The following TTC7B variants were observed in gnomAD, a reference collection of about 807,000 sequenced individuals.
The protein encoded by TTC7B is tetratricopeptide repeat domain 7B, also known as tetratricopeptide repeat protein 7B.
TTC7B carries 28 observed loss-of-function variants against 106.8 expected under a neutral mutation model. That is an observed-to-expected ratio of 0.26 (90% confidence interval 0.19 to 0.36). The LOEUF is 0.36. Among genes scored for constraint, TTC7B ranks in the 10% least tolerant of loss-of-function variants. TTC7B has a pLI of 1.00. For synonymous variants in TTC7B, 405 were observed against 430.6 expected, an observed-to-expected ratio of 0.94 and a Z score of 0.74; for missense variants, 862 against 1,076.4, an observed-to-expected ratio of 0.80 and a Z score of 2.79.
At chr14:90,672,681 C>T (rs1886678098) in intron 9 of TTC7B, among the ~76,000 whole-genome samples, 1 of 152,220 alleles carries the variant, frequency 6.6e-6, no homozygotes, top group African/African-American at 2.4e-5. Context: ...ATGCTTTGCA[C>T]TATTATGTAT....
At chr14:90,780,677 T>A (rs1481735853) in intron 3 of TTC7B, 61 bp downstream of exon 3, 2 of 1,552,544 alleles carry the variant, frequency 1.3e-6, no homozygotes, top group Non-Finnish European at 1.7e-6. Context: ...AATAGGCAGC[T>A]CCGAAGAGGC....
chr14:90,646,894 A>G, intron 14 of TTC7B, 57 bp downstream of exon 14: 1 of 1,445,242 alleles, frequency 6.9e-7, no homozygotes, highest in Non-Finnish European at 9.7e-7. Flanking sequence ...GAAGAGCTGA[A>G]GGAGTTGTAT....
chr14:90,686,552 T>C (rs74699083), intron 7 of TTC7B, among the ~76,000 whole-genome samples: 8,876 of 152,268 alleles, frequency 0.058, 295 homozygotes, highest in South Asian at 0.12. Context: ...TTAGTATTAA[T>C]AGATGACACA....
intron 19 of TTC7B, among the ~76,000 whole-genome samples, chr14:90,566,752 C>T (rs1244360912): frequency 6.6e-6 from 1 of 152,184 alleles, no homozygotes; most frequent in African/African-American, 2.4e-5. Context: ...GTCTAGAGCC[C>T]TGGAACCCTG....
chr14:90,572,392 T>G (rs1435334756), intron 19 of TTC7B, among the ~76,000 whole-genome samples: 1 of 152,220 alleles, frequency 6.6e-6, no homozygotes, highest in Non-Finnish European at 1.5e-5. Flanking sequence ...ACATATCCAC[T>G]GCACCTCACA....
chr14:90,627,619 G>A (rs758011871), intron 15 of TTC7B, among the ~76,000 whole-genome samples: 1 of 152,190 alleles, frequency 6.6e-6, no homozygotes, highest in Non-Finnish European at 1.5e-5. Flanking sequence ...GTTTGGCTGC[G>A]CCTCTTGGTG....
In TTC7B at chr14:90,713,863, A is replaced by G. The variant is rs193163043; in HGVS notation, c.698+16212T>C. ...ATGTAATAATAATGACAGCTCCACA[A>G]TAAAAAGGAATGACCTGCTGATACA... On this transcript the variant is annotated intron_variant, in intron 5 of 19. Transcript: ENST00000328459. Among the ~76,000 whole-genome samples, 41 of 152,358 alleles carry G rather than the reference A, an allele frequency of 2.7e-4. 1 individual carries two copies. Among genetic ancestry groups the G allele is most frequent in the African/African-American group, 9.4e-4 (39 of 41,594 alleles).
chr14:90,723,361 A>G (rs895992422), intron 5 of TTC7B, among the ~76,000 whole-genome samples: 5 of 152,128 alleles, frequency 3.3e-5, no homozygotes, highest in African/African-American at 1.2e-4. Flanking sequence ...ACCTAGTATC[A>G]CCTACCCTTT....
chr14:90,588,686 T>C lies in TTC7B; in HGVS notation c.2107+4800A>G, dbSNP rs183261745. Among the ~76,000 whole-genome samples the C allele has an allele frequency of 3.2e-3, 485 of 152,198 alleles. 4 individuals are homozygous for C. The highest frequency in any genetic ancestry group is 0.011 in the African/African-American group (447 of 41,544). Reference sequence around the variant, plus strand: ...CTATCCAGCCTGGGCTCCCACATTGTAAAAATGGAGAAAATAACCTTTCTC... The same window carrying C: ...CTATCCAGCCTGGGCTCCCACATTGCAAAAATGGAGAAAATAACCTTTCTC... On this transcript the variant is annotated intron_variant, in intron 18 of 19. Coordinates refer to ENST00000328459, the MANE Select transcript of TTC7B (RefSeq NM_001010854.2).
intron 15 of TTC7B, among the ~76,000 whole-genome samples, chr14:90,619,460 A>G (rs1893220779): frequency 6.6e-6 from 1 of 152,194 alleles, no homozygotes; most frequent in South Asian, 2.1e-4. Context: ...AATTCTTCCC[A>G]AACCCAGCCA....
At chr14:90,606,601 G>A (rs1302757669) in intron 17 of TTC7B, among the ~76,000 whole-genome samples, 1 of 152,166 alleles carries the variant, frequency 6.6e-6, no homozygotes, top group Non-Finnish European at 1.5e-5. Flanking sequence ...AGTAAAGACT[G>A]TCACTCTATT....
At chr14:90,641,221 C>A (rs1885155948) in intron 15 of TTC7B, among the ~76,000 whole-genome samples, 2 of 152,208 alleles carry the variant, frequency 1.3e-5, no homozygotes. Flanking sequence ...CAAGTTTTAT[C>A]ATTTCATGGT....
intron 18 of TTC7B, among the ~76,000 whole-genome samples, chr14:90,590,874 C>T (rs1299495705): frequency 6.6e-6 from 1 of 152,240 alleles, no homozygotes; most frequent in African/African-American, 2.4e-5. Flanking sequence ...CGTATGCATA[C>T]AGCACAGTCT....
At chr14:90,671,895 A>G (rs2069949860) in intron 9 of TTC7B, among the ~76,000 whole-genome samples, 1 of 152,204 alleles carries the variant, frequency 6.6e-6, no homozygotes, top group African/African-American at 2.4e-5. Flanking sequence ...GCATAAGAGA[A>G]AGGCCAGCTT....
intron 6 of TTC7B, among the ~76,000 whole-genome samples, chr14:90,692,336 A>T (rs1229330517): frequency 6.6e-6 from 1 of 152,206 alleles, no homozygotes; most frequent in Non-Finnish European, 1.5e-5. Context: ...TAAGAGTGGA[A>T]CTGTTGAAAA....
At chr14:90,806,459 G>A (rs1243586939) in intron 1 of TTC7B, among the ~76,000 whole-genome samples, 1 of 152,206 alleles carries the variant, frequency 6.6e-6, no homozygotes, top group Non-Finnish European at 1.5e-5. Flanking sequence ...CAGCCCACCT[G>A]CCCCCTGCAC....
chr14:90,677,090 C>T (rs1250484459), intron 8 of TTC7B, among the ~76,000 whole-genome samples: 1 of 152,166 alleles, frequency 6.6e-6, no homozygotes, highest in Non-Finnish European at 1.5e-5. Context: ...GGAGAAAATT[C>T]CCAGCCCTGC....
In TTC7B at chr14:90,533,669, A is replaced by T. The variant is rs1186824007; in HGVS notation, c.*7699T>A. 1 of 152,304 alleles carries T rather than the reference A, an allele frequency of 6.6e-6. No individual in the cohort carries two copies. The highest frequency in any genetic ancestry group is 1.5e-5 in the Non-Finnish European group (1 of 68,100). The allele number at this position is 152,304 out of a possible 1,614,324, so 9.4% of individuals were successfully genotyped here. A position where few individuals can be genotyped will look rare whatever the true frequency, so the allele number is the denominator to read the frequency against. ...CTGGGATTCCAGCCAGATCTGTGTG[A>T]CCCACAGCCCAGTGGTCACCAGGAA... On this transcript the variant is annotated 3_prime_UTR_variant, in exon 20 of 20. Transcript: ENST00000328459.
In TTC7B at chr14:90,657,283, G is replaced by A. The variant is rs753151345; in HGVS notation, c.1237-5C>T. Reference sequence around the variant, plus strand: ...CACCTTCACGGCACGGGCAGACTTGGCAAGAGAAGATTATTTCCGTGAAAC... The same window carrying A: ...CACCTTCACGGCACGGGCAGACTTGACAAGAGAAGATTATTTCCGTGAAAC... On this transcript the variant is annotated splice_region_variant and splice_polypyrimidine_tract_variant and intron_variant, in intron 10 of 19. Coordinates refer to ENST00000328459, the MANE Select transcript of TTC7B (RefSeq NM_001010854.2). This position sits in a 1 kb window ranked among gnomAD's most constrained non-coding sequence, Gnocchi z 4.2. The A allele has an allele frequency of 6.2e-7, 1 of 1,612,944 alleles. No homozygotes were observed. Among genetic ancestry groups the A allele is most frequent in the Non-Finnish European group, 8.5e-7 (1 of 1,179,736 alleles).
Sources: allele counts gnomAD v4.1 joint callset (sites outside exome capture counted in the v4.1 genomes callset), GRCh38; gene constraint gnomAD v4.1.1; non-coding constraint Gnocchi (gnomAD v3.1); transcripts MANE v1.5; gene names NCBI Gene and HGNC (gene_info 2026-07-23, HGNC 2026-07-21).